PANK2: variants seen among roughly 807,000 people sequenced by gnomAD.
The protein encoded by PANK2 is pantothenate kinase 2, mitochondrial.
In PANK2, 36 loss-of-function variants were observed where a neutral mutation model predicts 43.1. The observed-to-expected ratio is 0.84, with a 90% CI of 0.64 to 1.10. The LOEUF is 1.10. Ranked by LOEUF, PANK2 falls within the 50% of genes least tolerant of loss-of-function variation. The probability of loss-of-function intolerance (pLI) is 0.00; values close to 1 mark genes in which losing one functional copy is unlikely to be tolerated. For missense variants in PANK2, 576 were observed against 593.3 expected, an observed-to-expected ratio of 0.97 and a Z score of 0.30; for synonymous variants, 281 against 238.2, an observed-to-expected ratio of 1.18 and a Z score of -1.66.
intron 6 of PANK2, among the ~76,000 whole-genome samples, chr20:3,920,217 T>TTA (rs1555790264): frequency 6.7e-6 from 1 of 149,830 alleles, no homozygotes; most frequent in Non-Finnish European, 1.5e-5. Context: ...AAGTTAACCT[T>TTA]AAAAAAAAAA....
chr20:3,901,298 T>C (rs1242605405), intron 1 of PANK2, among the ~76,000 whole-genome samples: 2 of 152,174 alleles, frequency 1.3e-5, no homozygotes, highest in African/African-American at 4.8e-5. Context: ...TCCACCCACC[T>C]TGGCCTCTCA....
intron 1 of PANK2, among the ~76,000 whole-genome samples, chr20:3,899,292 C>T (rs532152281): frequency 1.1e-4 from 17 of 151,828 alleles, no homozygotes; most frequent in African/African-American, 4.1e-4. Flanking sequence ...CTACCTCAGG[C>T]TCCCAAGTAG....
chr20:3,916,283 T>C lies in PANK2; in HGVS notation c.1083-644T>C, dbSNP rs546254938. 6.5e-4 allele frequency among the ~76,000 whole-genome samples: 99 copies of C among 152,358 alleles called. No individual in the cohort carries two copies. The South Asian group carries it at 0.012, about 18-fold the overall frequency. Reference sequence around the variant, plus strand: ...TTTCGTATATTGGGGCACATGGCTTTTACTAATAGAAAAATCATATGTATA... The same window carrying C: ...TTTCGTATATTGGGGCACATGGCTTCTACTAATAGAAAAATCATATGTATA... On this transcript the variant is annotated intron_variant, in intron 4 of 6. Coordinates refer to ENST00000610179, the MANE Select transcript of PANK2 (RefSeq NM_001386393.1).
In PANK2 at chr20:3,925,879, A is replaced by G. The variant is rs564392983; in HGVS notation, c.*2585A>G. On this transcript the variant is annotated 3_prime_UTR_variant, in exon 7 of 7. Coordinates refer to ENST00000610179, the MANE Select transcript of PANK2 (RefSeq NM_001386393.1). ...CCTCATCCCAGCTTACTGCCGTCTC[A>G]CCACCTTCAGGTTGTGAGGTGCCCA... 6.6e-6 allele frequency: 1 copy of G among 152,346 alleles called. No homozygotes were observed. Among genetic ancestry groups the G allele is most frequent in the Admixed American group, 6.5e-5 (1 of 15,278 alleles). The allele number at this position is 152,346 out of a possible 1,614,324, so 9.4% of individuals were successfully genotyped here.
In PANK2 at chr20:3,899,414, A is replaced by G. The variant is rs537098802; in HGVS notation, c.299-8512A>G. ...TCGAACTCCTAACCTCTGGTGGTCC[A>G]CCCATCTTGGCCTCCCAGAGTGCTG... is the stretch of plus-strand genomic sequence containing the variant. On this transcript the variant is annotated intron_variant, in intron 1 of 6. Transcript: ENST00000610179. Among the ~76,000 whole-genome samples, 6 of 149,734 alleles carry G rather than the reference A, an allele frequency of 4.0e-5. No homozygotes were observed. In the East Asian group the frequency reaches 9.8e-4, roughly 25 times the overall value.
chr20:3,889,124 C>T (rs1216238658), upstream of PANK2: 3 of 1,553,322 alleles, frequency 1.9e-6, no homozygotes, highest in African/African-American at 2.7e-5. Context: ...GGCCCTTCCA[C>T]CCACGCGTCC....
intron 4 of PANK2, among the ~76,000 whole-genome samples, chr20:3,914,636 G>C (rs1009060088): frequency 4.6e-5 from 7 of 151,334 alleles, no homozygotes; most frequent in Non-Finnish European, 8.8e-5. Flanking sequence ...GTCTCTCTCT[G>C]TTGCCCAGGC....
chr20:3,913,794 T>G (rs6139238), intron 4 of PANK2, among the ~76,000 whole-genome samples: 4 of 129,546 alleles, frequency 3.1e-5, no homozygotes, highest in African/African-American at 1.2e-4. Context: ...ATATATATTT[T>G]TTTTTTTTTT....
chr20:3,915,270 CAT>C (rs201403441), intron 4 of PANK2, among the ~76,000 whole-genome samples: 118 of 151,566 alleles, frequency 7.8e-4, no homozygotes, highest in Non-Finnish European at 1.2e-3. Context: ...AGTTTTAGCT[CAT>C]ATATATATAT....
chr20:3,899,481 T>C (rs8117877), intron 1 of PANK2, among the ~76,000 whole-genome samples: 78,958 of 150,800 alleles, frequency 0.52, 21,257 homozygotes, highest in East Asian at 0.67. Flanking sequence ...GTTTTTTTTT[T>C]TTTTCCCCAG....
rs910519923 is a variant in PANK2, at chr20:3,925,373, A to G, written c.*2079A>G. On this transcript the variant is annotated 3_prime_UTR_variant, in exon 7 of 7. Transcript: ENST00000610179. ...CTTAGCCTCCTGCGTAGCTGAGACT[A>G]CAGGCATGTGCCACCATGGCTGGCT... is the stretch of plus-strand genomic sequence containing the variant. 6.6e-6 allele frequency: 1 copy of G among 152,374 alleles called. No homozygotes were observed. The highest frequency in any genetic ancestry group is 1.5e-5 in the Non-Finnish European group (1 of 68,162). The allele number at this position is 152,374 out of a possible 1,614,324, so 9.4% of individuals were successfully genotyped here. A position where few individuals can be genotyped will look rare whatever the true frequency, so the allele number is the denominator to read the frequency against.
intron 2 of PANK2, 87 bp downstream of exon 2, chr20:3,908,365 T>C: frequency 8.1e-7 from 1 of 1,241,976 alleles, no homozygotes; most frequent in Non-Finnish European, 1.1e-6. Flanking sequence ...AATTTCCATC[T>C]CTAATGGAAC....
chr20:3,923,368 C>A lies in PANK2; in HGVS notation c.*74C>A. Reference sequence around the variant, plus strand: ...GACTTTCATTTTTTTAAGAGACTTACTCAATTTCATGACTGTACTACCTGA... The same window carrying A: ...GACTTTCATTTTTTTAAGAGACTTAATCAATTTCATGACTGTACTACCTGA... On this transcript the variant is annotated 3_prime_UTR_variant, in exon 7 of 7. Coordinates refer to ENST00000610179, the MANE Select transcript of PANK2 (RefSeq NM_001386393.1). The A allele has an allele frequency of 2.0e-6, 3 of 1,476,564 alleles. No homozygotes were observed. The highest frequency in any genetic ancestry group is 1.1e-5 in the South Asian group (1 of 88,370). The allele number at this position is 1,476,564 out of a possible 1,614,324, so 91.5% of individuals were successfully genotyped here. A position where few individuals can be genotyped will look rare whatever the true frequency, so the allele number is the denominator to read the frequency against.
At chr20:3,903,446 C>G (rs1600520712) in intron 1 of PANK2, among the ~76,000 whole-genome samples, 1 of 140,864 alleles carries the variant, frequency 7.1e-6, no homozygotes, top group Non-Finnish European at 1.5e-5. Context: ...CGACGCCCGG[C>G]TTTTTTTTTT....
chr20:3,912,347 T>C (rs182982338), intron 3 of PANK2, 111 bp from the exon 4 acceptor site: 227 of 1,179,208 alleles, frequency 1.9e-4, no homozygotes, highest in Non-Finnish European at 2.5e-4. Context: ...CCAGTGGCAT[T>C]TGCATGATTG....
chr20:3,907,878 T>G, intron 1 of PANK2, 48 bp from the exon 2 acceptor site: 1 of 1,547,576 alleles, frequency 6.5e-7, no homozygotes, highest in Non-Finnish European at 8.9e-7. Context: ...AGGGTAAATT[T>G]AATTTTCAGA....
intron 6 of PANK2, among the ~76,000 whole-genome samples, chr20:3,919,460 T>A (rs2090615342): frequency 1.3e-5 from 2 of 152,124 alleles, no homozygotes; most frequent in South Asian, 4.1e-4. Flanking sequence ...TTATATATTG[T>A]TGTAATTCTT....
At chr20:3,914,305 T>C (rs771461275) in intron 4 of PANK2, among the ~76,000 whole-genome samples, 4 of 151,992 alleles carry the variant, frequency 2.6e-5, no homozygotes, top group Non-Finnish European at 4.4e-5. Context: ...AGGAGTGAAG[T>C]GATATCTTGT....
chr20:3,889,128 C>A, upstream of PANK2: 1 of 1,555,802 alleles, frequency 6.4e-7, no homozygotes. Context: ...CTTCCACCCA[C>A]GCGTCCATTG....
Sources: gnomAD v4.1 joint callset for allele counts (sites outside exome capture counted in the v4.1 genomes callset) on GRCh38, gnomAD v4.1.1 for gene constraint, MANE v1.5 for transcripts, NCBI Gene and HGNC (gene_info 2026-07-23, HGNC 2026-07-21) for gene names.